The following BNC2 variants were observed in gnomAD, a reference collection of about 807,000 sequenced individuals.
BNC2 encodes zinc finger protein basonuclin-2.
A neutral mutation model predicts 76.3 loss-of-function variants in BNC2; 20 were observed. The ratio of observed to expected loss-of-function variants is 0.26; its 90% CI spans 0.18 to 0.38. The LOEUF is 0.38. Ranked by LOEUF, BNC2 falls within the 10% of genes least tolerant of loss-of-function variation. The probability of loss-of-function intolerance (pLI) is 1.00; values close to 1 mark genes in which losing one functional copy is unlikely to be tolerated. For synonymous variants in BNC2, 582 were observed against 514.8 expected (o/e 1.13, Z -1.77); for missense variants, 1,382 against 1,399.8 (o/e 0.99, Z 0.20).
chr9:16,725,479 G>A (rs1824286322), intron 3 of BNC2, among the ~76,000 whole-genome samples: 1 of 151,946 alleles, frequency 6.6e-6, no homozygotes. Context: ...AAAAAGGTGG[G>A]TTGGGGGGAT....
chr9:16,622,587 T>C (rs889760236), intron 3 of BNC2, among the ~76,000 whole-genome samples: 4 of 152,162 alleles, frequency 2.6e-5, no homozygotes, highest in South Asian at 2.1e-4. Context: ...AGAAAGTGTA[T>C]CTGAAATTAC....
chr9:16,564,184 A>G (rs536087705), intron 4 of BNC2, among the ~76,000 whole-genome samples: 2 of 152,356 alleles, frequency 1.3e-5, no homozygotes, highest in South Asian at 2.1e-4. Flanking sequence ...CTCTAGGGCC[A>G]GAGTCTAATC....
intron 5 of BNC2, among the ~76,000 whole-genome samples, chr9:16,546,507 T>C (rs1818487356): frequency 6.6e-6 from 1 of 152,230 alleles, no homozygotes. Context: ...AAAAGGTATG[T>C]ATCCCTGGAA....
intron 3 of BNC2, among the ~76,000 whole-genome samples, chr9:16,663,128 C>T (rs1822159973): frequency 1.7e-4 from 9 of 51,646 alleles, no homozygotes; most frequent in African/African-American, 6.2e-4. Flanking sequence ...ACTCTGTTTA[C>T]TCTTTTTTTT....
At chr9:16,689,133 CAT>C (rs1275822370) in intron 3 of BNC2, among the ~76,000 whole-genome samples, 5 of 99,840 alleles carry the variant, frequency 5.0e-5, no homozygotes, top group Non-Finnish European at 1.0e-4. Flanking sequence ...CACACACACA[CAT>C]ACACACACTC....
At chr9:16,570,583 G>C (rs1022838248) in intron 4 of BNC2, among the ~76,000 whole-genome samples, 1 of 152,188 alleles carries the variant, frequency 6.6e-6, no homozygotes, top group African/African-American at 2.4e-5. Context: ...CGGGTTAAGA[G>C]GGCAGTCCTA....
intron 1 of BNC2, among the ~76,000 whole-genome samples, chr9:16,773,512 G>GAA (rs71327857): frequency 4.9e-5 from 6 of 121,916 alleles, no homozygotes; most frequent in African/African-American, 2.2e-4. Context: ...CATGCAATCA[G>GAA]AAAAAAAAAA....
At chr9:16,475,970 G>A (rs965550252) in intron 5 of BNC2, 1 of 152,124 alleles carries the variant, frequency 6.6e-6, no homozygotes, top group African/African-American at 2.4e-5. Context: ...TTAATCAAAT[G>A]CACCATGTCT....
intron 3 of BNC2, among the ~76,000 whole-genome samples, chr9:16,610,139 G>A (rs575855210): frequency 3.9e-5 from 1 of 25,952 alleles, no homozygotes; most frequent in African/African-American, 7.2e-5. Context: ...GGGAAAAGGG[G>A]TGGCAAAAAC....
rs200184171 is a variant in BNC2, at chr9:16,667,109, G to A, written c.330+60688C>T. Among the ~76,000 whole-genome samples the A allele has an allele frequency of 7.3e-3, 1,049 of 144,480 alleles. 36 individuals are homozygous for A. In the East Asian group the frequency reaches 0.1, roughly 14 times the overall value. The allele number at this position is 144,480 out of a possible 152,430, so 94.8% of individuals were successfully genotyped here. A position where few individuals can be genotyped will look rare whatever the true frequency, so the allele number is the denominator to read the frequency against. The stretch of plus-strand genomic sequence containing the variant: ...CACACACACACACACACACACACAC[G>A]CACACACGCACACACGCCGATGTTA... On this transcript the variant is annotated intron_variant, in intron 3 of 6. Coordinates refer to ENST00000380672, the MANE Select transcript of BNC2 (RefSeq NM_017637.6).
chr9:16,718,578 GAAGT>G (rs1824057827), intron 3 of BNC2, among the ~76,000 whole-genome samples: 2 of 152,138 alleles, frequency 1.3e-5, no homozygotes, highest in Non-Finnish European at 2.9e-5. Flanking sequence ...TAATTTATCT[GAAGT>G]AAGCTGTAGT....
At chr9:16,743,224 G>A (rs1338843384) in intron 1 of BNC2, among the ~76,000 whole-genome samples, 1 of 149,976 alleles carries the variant, frequency 6.7e-6, no homozygotes, top group Non-Finnish European at 1.5e-5. Flanking sequence ...GAAACTACAC[G>A]ATGACTTGAG....
intron 1 of BNC2, among the ~76,000 whole-genome samples, chr9:16,849,647 C>T (rs1427703626): frequency 6.6e-6 from 1 of 152,140 alleles, no homozygotes; most frequent in Non-Finnish European, 1.5e-5. Context: ...GCGTGAGCCA[C>T]CGCACCTGAC....
At chr9:16,541,286 G>T (rs191537786) in intron 5 of BNC2, among the ~76,000 whole-genome samples, 39 of 152,312 alleles carry the variant, frequency 2.6e-4, no homozygotes, top group African/African-American at 8.9e-4. Flanking sequence ...GGGGGAAAAA[G>T]TTTTTTACCA....
Position 16,691,855 on chromosome 9 carries a change from G to C in BNC2, c.330+35942C>G, listed in dbSNP as rs1297795517. On this transcript the variant is annotated intron_variant, in intron 3 of 6. Coordinates refer to ENST00000380672, the MANE Select transcript of BNC2 (RefSeq NM_017637.6). ...AGATGGAGTCTCACTCTGTCACCCA[G>C]GCTGGAGTGCAGTGGCGCAATCTCA... 2.1e-5 allele frequency among the ~76,000 whole-genome samples: 3 copies of C among 145,772 alleles called. No individual in the cohort carries two copies. The East Asian group carries it at 6.1e-4, about 30-fold the overall frequency.
At chr9:16,632,695 A>C (rs1348250740) in intron 3 of BNC2, among the ~76,000 whole-genome samples, 2 of 152,236 alleles carry the variant, frequency 1.3e-5, no homozygotes, top group Non-Finnish European at 2.9e-5. Flanking sequence ...TACACTGAGT[A>C]CAGACTGCCA....
chr9:16,855,397 T>C (rs1223463992), intron 1 of BNC2, among the ~76,000 whole-genome samples: 2 of 152,206 alleles, frequency 1.3e-5, no homozygotes, highest in Admixed American at 1.3e-4. Flanking sequence ...ACATACATCA[T>C]AGAAATTCAA....
intron 4 of BNC2, among the ~76,000 whole-genome samples, chr9:16,553,511 C>G (rs1188439800): frequency 2.0e-5 from 3 of 152,106 alleles, no homozygotes; most frequent in African/African-American, 7.2e-5. Flanking sequence ...AAAGAAATAA[C>G]AAGTCACTTT....
At chr9:16,860,674 TCAA>T (rs758272738) in intron 1 of BNC2, among the ~76,000 whole-genome samples, 64 of 152,268 alleles carry the variant, frequency 4.2e-4, no homozygotes, top group Non-Finnish European at 7.5e-4. Flanking sequence ...GACAGAAACA[TCAA>T]CAACAACAAA....
Sources: allele counts gnomAD v4.1 joint callset (sites outside exome capture counted in the v4.1 genomes callset), GRCh38; gene constraint gnomAD v4.1.1; transcripts MANE v1.5; gene names NCBI Gene and HGNC (gene_info 2026-07-23, HGNC 2026-07-21).